PITPNM2: variants seen among roughly 807,000 people sequenced by gnomAD.
PITPNM2 encodes the protein membrane-associated phosphatidylinositol transfer protein 2.
A neutral mutation model predicts 132.2 loss-of-function variants in PITPNM2; 35 were observed. The observed-to-expected ratio is 0.26, with a 90% CI of 0.20 to 0.35. The LOEUF (loss-of-function observed/expected upper bound fraction) is 0.35, where lower values mean the gene tolerates loss of function less well. PITPNM2 is among the 10% of genes least tolerant of loss of function. The pLI is 1.00. For synonymous variants in PITPNM2, 738 were observed against 799.2 expected, an observed-to-expected ratio of 0.92 and a Z score of 1.29; for missense variants, 1,332 against 1,912.0, an observed-to-expected ratio of 0.70 and a Z score of 5.66.
chr12:123,048,507 G>A (rs539930917), intron 2 of PITPNM2, among the ~76,000 whole-genome samples: 3 of 151,538 alleles, frequency 2.0e-5, no homozygotes, highest in South Asian at 2.1e-4. Context: ...CTGCTTCCCC[G>A]GTTCACGTCA....
chr12:123,135,243 A>G (rs765635778), intron 1 of PITPNM2, among the ~76,000 whole-genome samples: 2 of 152,214 alleles, frequency 1.3e-5, no homozygotes, highest in Non-Finnish European at 2.9e-5. Flanking sequence ...CCTGCAGCCT[A>G]TAGGTAGGTT....
chr12:123,048,711 T>A (rs2040754449), intron 2 of PITPNM2, among the ~76,000 whole-genome samples: 1 of 152,086 alleles, frequency 6.6e-6, no homozygotes, highest in Non-Finnish European at 1.5e-5. Flanking sequence ...CGCGCCCGGC[T>A]GGGTAGTTAG....
intron 2 of PITPNM2, among the ~76,000 whole-genome samples, chr12:123,052,817 G>A (rs2040907038): frequency 7.0e-6 from 1 of 142,418 alleles, no homozygotes; most frequent in African/African-American, 2.6e-5. Flanking sequence ...AAACCAGCCT[G>A]TAGTTTTGTT....
In PITPNM2 at chr12:123,009,708, G is replaced by T; in HGVS notation, c.643+142C>A. 1 of 768,422 alleles carries T rather than the reference G, an allele frequency of 1.3e-6. No individual in the cohort carries two copies. The highest frequency in any genetic ancestry group is 1.7e-5 in the South Asian group (1 of 60,230). The allele number at this position is 768,422 out of a possible 1,614,324, so 47.6% of individuals were successfully genotyped here. A position where few individuals can be genotyped will look rare whatever the true frequency, so the allele number is the denominator to read the frequency against. On this transcript the variant is annotated intron_variant, in intron 6 of 25. Transcript: ENST00000320201. The surrounding 1 kb of genome is among the most constrained non-coding windows in gnomAD (Gnocchi z 4.8). ...CGGGTAGTGGGGAAGCTGGACATGG[G>T]CTTTGGTGTCACCTTCCCAGAACAA... is the stretch of plus-strand genomic sequence containing the variant.
chr12:123,055,939 G>A (rs1461915663), intron 2 of PITPNM2, among the ~76,000 whole-genome samples: 11 of 151,994 alleles, frequency 7.2e-5, no homozygotes, highest in Admixed American at 2.0e-4. Flanking sequence ...GTGAAAGCAC[G>A]ACGAAAAGAA....
chr12:123,096,165 C>A (rs765074651), intron 2 of PITPNM2, among the ~76,000 whole-genome samples: 4 of 152,372 alleles, frequency 2.6e-5, no homozygotes, highest in South Asian at 2.1e-4. Context: ...GGGGGACAGA[C>A]CCCTCCTTTG....
chr12:123,000,383 C>A lies in PITPNM2; in HGVS notation c.1224+395G>T, dbSNP rs1169039405. The stretch of plus-strand genomic sequence containing the variant: ...CATCTTGTCGGCCACGGCCACATCA[C>A]TTCTGCCTAGACGACTGTCGCTTCC... On this transcript the variant is annotated intron_variant, in intron 10 of 25. Coordinates refer to ENST00000320201, the MANE Select transcript of PITPNM2 (RefSeq NM_020845.3). This position sits in a 1 kb window ranked among gnomAD's most constrained non-coding sequence, Gnocchi z 5.4. The A allele has an allele frequency of 1.4e-6, 1 of 702,326 alleles. No individual in the cohort carries two copies. Among genetic ancestry groups the A allele is most frequent in the Admixed American group, 2.0e-5 (1 of 49,998 alleles). 43.5% of individuals were successfully genotyped at this position (702,326 alleles called of 1,614,324 possible).
At chr12:123,092,460 GTTTGAA>G (rs1411507322) in intron 2 of PITPNM2, 2 of 152,258 alleles carry the variant, frequency 1.3e-5, no homozygotes. Context: ...CTAAATCGCT[GTTTGAA>G]AAGACAAAGC....
intron 2 of PITPNM2, among the ~76,000 whole-genome samples, chr12:123,071,498 G>A (rs2041619999): frequency 6.6e-6 from 1 of 152,222 alleles, no homozygotes; most frequent in Non-Finnish European, 1.5e-5. Flanking sequence ...GGGTTCAGGT[G>A]GCTGGCAGGG....
At chr12:123,016,094 G>A (rs374998110) in intron 3 of PITPNM2, among the ~76,000 whole-genome samples, 1 of 152,146 alleles carries the variant, frequency 6.6e-6, no homozygotes, top group Admixed American at 6.5e-5. Flanking sequence ...GGGAGGCCGA[G>A]GCAGGCAGAT....
rs936063124 is a variant in PITPNM2 at position 123,144,141 on chromosome 12, G to T, written c.-200+6612C>A. Among the ~76,000 whole-genome samples the T allele has an allele frequency of 5.3e-5, 8 of 152,220 alleles. No homozygotes were observed. In the East Asian group the frequency reaches 1.5e-3, roughly 29 times the overall value. Reference sequence around the variant, plus strand: ...CACATTCCCTGCTGAGGTTGAACGAGGGGACATCCTCTATCTTCCCATCTC... The same window carrying T: ...CACATTCCCTGCTGAGGTTGAACGATGGGACATCCTCTATCTTCCCATCTC... On this transcript the variant is annotated intron_variant, in intron 1 of 25. Coordinates refer to ENST00000320201, the MANE Select transcript of PITPNM2 (RefSeq NM_020845.3).
At chr12:122,997,718 AG>A (rs2038492447) in intron 10 of PITPNM2, 146 bp from the exon 11 acceptor site, 9 of 1,166,376 alleles carry the variant, frequency 7.7e-6, no homozygotes, top group African/African-American at 1.5e-5. Flanking sequence ...TCATGCCTGG[AG>A]CCTGGGGTTT....
At chr12:123,044,066 G>C (rs1374477556) in intron 2 of PITPNM2, among the ~76,000 whole-genome samples, 2 of 152,200 alleles carry the variant, frequency 1.3e-5, no homozygotes, top group East Asian at 3.8e-4. Context: ...ATTTAACACT[G>C]AGTATGGCTG....
intron 3 of PITPNM2, among the ~76,000 whole-genome samples, chr12:123,033,070 G>A (rs2040149336): frequency 6.6e-6 from 1 of 152,358 alleles, no homozygotes; most frequent in Non-Finnish European, 1.5e-5. Flanking sequence ...AGCCAGTGAT[G>A]GGAGGTGGAG....
chr12:123,067,788 T>C (rs2041475753), intron 2 of PITPNM2, among the ~76,000 whole-genome samples: 1 of 152,122 alleles, frequency 6.6e-6, no homozygotes. Flanking sequence ...TACATTGGGT[T>C]TGTGGCATTG....
intron 2 of PITPNM2, among the ~76,000 whole-genome samples, chr12:123,074,088 G>A (rs991194369): frequency 6.9e-4 from 105 of 152,224 alleles, no homozygotes; most frequent in African/African-American, 2.5e-3. Context: ...GGGAGGGAGG[G>A]AGCGAAGGAG....
At chr12:123,006,384 A>C (rs2038935850) in intron 6 of PITPNM2, among the ~76,000 whole-genome samples, 1 of 152,002 alleles carries the variant, frequency 6.6e-6, no homozygotes, top group Admixed American at 6.6e-5. Flanking sequence ...AAAGTAAAGA[A>C]TATATACCTT....
intron 10 of PITPNM2, among the ~76,000 whole-genome samples, chr12:122,998,156 CT>C (rs927759601): frequency 1.3e-5 from 2 of 152,364 alleles, no homozygotes; most frequent in South Asian, 2.1e-4. Context: ...CCAAGTCATT[CT>C]CCCCAGGCCC....
In PITPNM2 at chr12:122,996,868, A is replaced by G; in HGVS notation, c.1515T>C (p.Ser505=). 1 of 1,588,080 alleles carries G rather than the reference A, an allele frequency of 6.3e-7. No homozygotes were observed. The highest frequency in any genetic ancestry group is 8.5e-7 in the Non-Finnish European group (1 of 1,173,302). The part of the protein sequence containing the change: ...YSHDEGCLSS[S]QDHIPLAALP... ...GGGCAGCCAGGGGAATGTGGTCCTG[A>G]CTGCTGGACAGACAGCCTTCGTCAT... is the stretch of plus-strand genomic sequence containing the variant. Residue 505 remains serine (S), a synonymous_variant, in exon 12 of 26, where the codon AGT becomes AGC. Transcript: ENST00000320201.
Sources: gnomAD v4.1 joint callset for allele counts (sites outside exome capture counted in the v4.1 genomes callset) on GRCh38, gnomAD v4.1.1 for gene constraint, Gnocchi (gnomAD v3.1) non-coding constraint, MANE v1.5 for transcripts, NCBI Gene and HGNC (gene_info 2026-07-23, HGNC 2026-07-21) for gene names.